The following MARCHF10 variants were observed in gnomAD, a reference collection of about 807,000 sequenced individuals.
MARCHF10 encodes probable E3 ubiquitin-protein ligase MARCHF10.
In MARCHF10, 64 loss-of-function variants were observed where a neutral mutation model predicts 76.2. The observed-to-expected ratio is 0.84, with a 90% CI of 0.69 to 1.03. The LOEUF is 1.03. Ranked by LOEUF, MARCHF10 falls within the 50% of genes least tolerant of loss-of-function variation. MARCHF10 has a pLI of 0.00. For missense variants in MARCHF10, 875 were observed against 958.0 expected (o/e 0.91, Z 1.14); for synonymous variants, 340 against 357.5 (o/e 0.95, Z 0.55).
chr17:62,749,903 G>A (rs1426547514), intron 4 of MARCHF10: 4 of 152,312 alleles, frequency 2.6e-5, no homozygotes, highest in Non-Finnish European at 5.9e-5. Context: ...GACGCATTAG[G>A]AGAGCCTGTT....
chr17:62,760,284 T>G (rs2092163626), intron 3 of MARCHF10, among the ~76,000 whole-genome samples: 1 of 152,242 alleles, frequency 6.6e-6, no homozygotes, highest in Admixed American at 6.5e-5. Context: ...AGAATGCATT[T>G]CTGACCCTTA....
At chr17:62,744,600 A>C in intron 4 of MARCHF10, 72 bp from the exon 5 acceptor site, 5 of 1,546,908 alleles carry the variant, frequency 3.2e-6, no homozygotes, top group South Asian at 2.4e-5. Flanking sequence ...AGAACGTTCA[A>C]AGGGCCCAGC....
rs1340885353 is a variant in MARCHF10, at chr17:62,712,396, C to T, written c.2215-1052G>A. ...CATCTGCCTTCTTCCTGCAGCAGCG[C>T]GGGTGCCACATCTTCCTGTTCTCAT... On this transcript the variant is annotated intron_variant, in intron 8 of 10. Transcript: ENST00000311269. This position sits in a 1 kb window ranked among gnomAD's most constrained non-coding sequence, Gnocchi z 4.2. Among the ~76,000 whole-genome samples, 4 of 152,206 alleles carry T rather than the reference C, an allele frequency of 2.6e-5. No homozygotes were observed. Among genetic ancestry groups the T allele is most frequent in the East Asian group, 1.9e-4 (1 of 5,192 alleles).
intron 8 of MARCHF10, among the ~76,000 whole-genome samples, chr17:62,719,391 T>A (rs1373085641): frequency 7.9e-5 from 12 of 152,198 alleles, no homozygotes; most frequent in Non-Finnish European, 1.8e-4. Context: ...TCTTGAAGGA[T>A]AATTTTGCAG....
intron 3 of MARCHF10, among the ~76,000 whole-genome samples, chr17:62,765,374 A>G (rs889476435): frequency 4.3e-5 from 6 of 139,528 alleles, no homozygotes. Flanking sequence ...AAAAAAAAAA[A>G]AAAGATGCCT....
chr17:62,739,314 C>A (rs1484756666), intron 5 of MARCHF10, among the ~76,000 whole-genome samples: 1 of 151,790 alleles, frequency 6.6e-6, no homozygotes, highest in South Asian at 2.1e-4. Context: ...TAAATAAATA[C>A]ATAAATACAT....
At chr17:62,732,865 C>T (rs546309450) in intron 6 of MARCHF10, among the ~76,000 whole-genome samples, 4 of 151,300 alleles carry the variant, frequency 2.6e-5, no homozygotes, top group East Asian at 2.0e-4. Context: ...TGGTGGTGCA[C>T]GCCTGTAATC....
At chr17:62,737,418 T>A in intron 5 of MARCHF10, 86 bp from the exon 6 acceptor site, 1 of 1,239,912 alleles carries the variant, frequency 8.1e-7, no homozygotes, top group Non-Finnish European at 1.2e-6. Context: ...AATTGCCCTT[T>A]AAATGCAACA....
intron 2 of MARCHF10, among the ~76,000 whole-genome samples, chr17:62,798,034 T>C (rs540122392): frequency 1.3e-5 from 2 of 152,212 alleles, no homozygotes; most frequent in South Asian, 2.1e-4. Context: ...CATGGACATA[T>C]TTGATTTCAG....
intron 6 of MARCHF10, among the ~76,000 whole-genome samples, chr17:62,732,992 C>CAAAAAAAAAAA (rs398041783): frequency 3.0e-5 from 2 of 66,508 alleles, no homozygotes; most frequent in African/African-American, 1.1e-4. Flanking sequence ...GACTCAGTCT[C>CAAAAAAAAAAA]AAAAAAAAAA....
chr17:62,759,097 TCA>T (rs1251159410), intron 4 of MARCHF10, among the ~76,000 whole-genome samples: 2 of 152,366 alleles, frequency 1.3e-5, no homozygotes, highest in East Asian at 3.9e-4. Flanking sequence ...ACCTTTTCTC[TCA>T]GAGAGGACAA....
intron 2 of MARCHF10, among the ~76,000 whole-genome samples, chr17:62,791,630 C>G (rs149188833): frequency 2.6e-5 from 4 of 152,288 alleles, no homozygotes; most frequent in Non-Finnish European, 4.4e-5. Context: ...TTGACAGAGC[C>G]AAGCAATCTT....
chr17:62,748,738 G>T (rs1010162728), intron 4 of MARCHF10, among the ~76,000 whole-genome samples: 1 of 152,302 alleles, frequency 6.6e-6, no homozygotes, highest in East Asian at 1.9e-4. Flanking sequence ...GCACGACATT[G>T]TCTAGAAAAA....
rs2092441829 is a variant in MARCHF10, at chr17:62,771,307, G to A, written c.211-11301C>T. On this transcript the variant is annotated intron_variant, in intron 3 of 10. Coordinates refer to ENST00000311269, the MANE Select transcript of MARCHF10 (RefSeq NM_152598.4). ...AGTGAGCTGAGAGAGACCTCCCTATGGAAGTGACCTCAGCTGCAATCTCAG... is the reference window on the plus strand; with the variant it reads ...AGTGAGCTGAGAGAGACCTCCCTATAGAAGTGACCTCAGCTGCAATCTCAG... Among the ~76,000 whole-genome samples, 2 of 152,042 alleles carry A rather than the reference G, an allele frequency of 1.3e-5. 1 individual carries two copies. Among genetic ancestry groups the A allele is most frequent in the South Asian group, 4.1e-4 (2 of 4,828 alleles).
At chr17:62,742,260 T>C (rs1485704447) in intron 5 of MARCHF10, among the ~76,000 whole-genome samples, 2 of 151,946 alleles carry the variant, frequency 1.3e-5, no homozygotes, top group Non-Finnish European at 2.9e-5. Flanking sequence ...CCTCAAATGA[T>C]CCGCCCACCT....
chr17:62,799,871 G>C (rs147051027), intron 2 of MARCHF10, among the ~76,000 whole-genome samples: 3 of 152,220 alleles, frequency 2.0e-5, no homozygotes, highest in Admixed American at 6.5e-5. Flanking sequence ...GGTTTCATCC[G>C]GGCTGGTTCC....
intron 3 of MARCHF10, among the ~76,000 whole-genome samples, chr17:62,777,798 G>A (rs1487209866): frequency 6.6e-6 from 1 of 150,758 alleles, no homozygotes; most frequent in African/African-American, 2.4e-5. Context: ...TGGGCACACT[G>A]CCTATGGGGT....
intron 3 of MARCHF10, among the ~76,000 whole-genome samples, chr17:62,782,345 CTTTTTTTTTT>C (rs10676023): frequency 9.3e-6 from 1 of 107,028 alleles, no homozygotes; most frequent in African/African-American, 3.8e-5. Flanking sequence ...AACAACTGTT[CTTTTTTTTTT>C]TTTTTTTTTT....
chr17:62,790,278 C>T (rs1010876536), intron 2 of MARCHF10, among the ~76,000 whole-genome samples: 5 of 152,226 alleles, frequency 3.3e-5, no homozygotes, highest in African/African-American at 1.2e-4. Flanking sequence ...CTGGTTCAAG[C>T]GATTCTCCTG....
Sources: gnomAD v4.1 joint callset for allele counts (sites outside exome capture counted in the v4.1 genomes callset) on GRCh38, gnomAD v4.1.1 for gene constraint, Gnocchi (gnomAD v3.1) non-coding constraint, MANE v1.5 for transcripts, NCBI Gene and HGNC (gene_info 2026-07-23, HGNC 2026-07-21) for gene names.